HHLA2: variants seen among roughly 807,000 people sequenced by gnomAD.
The protein encoded by HHLA2 is HERV-H LTR-associating protein 2.
A neutral mutation model predicts 45.9 loss-of-function variants in HHLA2; 48 were observed. That is an observed-to-expected ratio of 1.05 (90% CI 0.83 to 1.33). The LOEUF (loss-of-function observed/expected upper bound fraction) is 1.33, where lower values mean the gene tolerates loss of function less well. Ranked by LOEUF, HHLA2 falls within the 40% of genes most tolerant of loss-of-function variation. The pLI is 0.00. For missense variants in HHLA2, 462 were observed against 494.3 expected, an observed-to-expected ratio of 0.93 and a Z score of 0.62; for synonymous variants, 161 against 173.9, an observed-to-expected ratio of 0.93 and a Z score of 0.59.
At chr3:108,345,764 A>G (rs2081650956) in intron 3 of HHLA2, among the ~76,000 whole-genome samples, 1 of 152,208 alleles carries the variant, frequency 6.6e-6, no homozygotes, top group African/African-American at 2.4e-5. Flanking sequence ...AAAATGCCAC[A>G]CAGTAAGGCA....
At chr3:108,370,942 G>A (rs893612773) in intron 8 of HHLA2, among the ~76,000 whole-genome samples, 1 of 152,158 alleles carries the variant, frequency 6.6e-6, no homozygotes, top group Non-Finnish European at 1.5e-5. Context: ...ATCTAGCAAG[G>A]CAGGCCAACA....
chr3:108,297,257 G>T (rs1269558055), intron 1 of HHLA2, among the ~76,000 whole-genome samples: 1 of 152,106 alleles, frequency 6.6e-6, no homozygotes, highest in Non-Finnish European at 1.5e-5. Flanking sequence ...GGTAATTTAG[G>T]TTTTTTTGTG....
intron 3 of HHLA2, among the ~76,000 whole-genome samples, chr3:108,338,532 C>T (rs568930505): frequency 3.9e-5 from 6 of 152,258 alleles, no homozygotes; most frequent in Non-Finnish European, 7.3e-5. Flanking sequence ...CCTTCCTGTT[C>T]GCTTCTCATC....
chr3:108,361,125 A>G (rs1287626835), intron 7 of HHLA2, among the ~76,000 whole-genome samples: 1 of 152,168 alleles, frequency 6.6e-6, no homozygotes, highest in Non-Finnish European at 1.5e-5. Context: ...TCTAGTCCTG[A>G]CCAAGATGCT....
intron 3 of HHLA2, among the ~76,000 whole-genome samples, chr3:108,337,672 T>G (rs7652835): frequency 1 from 151,947 of 152,218 alleles, 75,838 homozygotes; most frequent in Middle Eastern, 1. Flanking sequence ...AGAAACTTTA[T>G]AAGGTGGAAC....
At chr3:108,328,456 C>T (rs2081328334) in intron 3 of HHLA2, 1 of 682,720 alleles carries the variant, frequency 1.5e-6, no homozygotes, top group East Asian at 3.0e-5. Context: ...ATATTATTAA[C>T]ATAATTCTTA....
chr3:108,308,951 C>T (rs1022896556), intron 1 of HHLA2, among the ~76,000 whole-genome samples: 3 of 152,154 alleles, frequency 2.0e-5, no homozygotes, highest in Non-Finnish European at 2.9e-5. Flanking sequence ...TTCTCCCATT[C>T]TGTGGGTTGT....
chr3:108,305,753 T>G (rs919107816), intron 1 of HHLA2, among the ~76,000 whole-genome samples: 3 of 152,140 alleles, frequency 2.0e-5, no homozygotes, highest in Non-Finnish European at 2.9e-5. Flanking sequence ...CAGTGACACA[T>G]TTGAGCCAAG....
intron 8 of HHLA2, among the ~76,000 whole-genome samples, chr3:108,371,902 C>G (rs906187500): frequency 2.0e-5 from 3 of 152,170 alleles, no homozygotes; most frequent in African/African-American, 7.2e-5. Context: ...CCACTGTCAA[C>G]ATTAGACAGA....
At chr3:108,344,295 A>ATCCC (rs2081626009) in intron 3 of HHLA2, among the ~76,000 whole-genome samples, 2 of 152,162 alleles carry the variant, frequency 1.3e-5, no homozygotes, top group Non-Finnish European at 2.9e-5. Context: ...TTGCATTCAA[A>ATCCC]TATGTACAAA....
At chr3:108,327,496 T>G (rs953569631) in intron 2 of HHLA2, among the ~76,000 whole-genome samples, 1 of 152,220 alleles carries the variant, frequency 6.6e-6, no homozygotes, top group African/African-American at 2.4e-5. Context: ...TGTTCCATCC[T>G]TTTGTTTCTC....
chr3:108,356,029 C>CTTTTTTTTTT (rs3053487), intron 6 of HHLA2, among the ~76,000 whole-genome samples: 1 of 118,228 alleles, frequency 8.5e-6, no homozygotes, highest in Admixed American at 9.9e-5. Flanking sequence ...ATTTGTTTTC[C>CTTTTTTTTTT]TTTTTTTTTT....
At chr3:108,327,081 T>C (rs1423009064) in intron 2 of HHLA2, among the ~76,000 whole-genome samples, 4 of 152,206 alleles carry the variant, frequency 2.6e-5, no homozygotes, top group African/African-American at 9.7e-5. Context: ...CAATTTTGGG[T>C]TGGAAGTTAT....
At chr3:108,351,993 C>T (rs1576157149) in intron 4 of HHLA2, 116 bp downstream of exon 3, 1 of 650,556 alleles carries the variant, frequency 1.5e-6, no homozygotes, top group East Asian at 2.8e-5. Context: ...TTTCCTAAAT[C>T]ATCAGTTAAT....
intron 2 of HHLA2, among the ~76,000 whole-genome samples, chr3:108,314,020 A>G (rs774207337): frequency 2.0e-5 from 3 of 152,184 alleles, no homozygotes; most frequent in Non-Finnish European, 4.4e-5. Context: ...CAGAGGAGGT[A>G]TCACTTTCTC....
At chr3:108,371,837 TG>T (rs1371626616) in intron 8 of HHLA2, among the ~76,000 whole-genome samples, 2 of 152,046 alleles carry the variant, frequency 1.3e-5, no homozygotes, top group Non-Finnish European at 2.9e-5. Context: ...AAGTCCTTAG[TG>T]ACCTACAAAG....
intron 8 of HHLA2, among the ~76,000 whole-genome samples, chr3:108,374,029 T>G (rs990025677): frequency 2.7e-5 from 4 of 150,834 alleles, no homozygotes; most frequent in African/African-American, 9.7e-5. Context: ...AAGTCAATCC[T>G]AAGCCAAAAG....
chr3:108,333,324 T>C (rs898255577), intron 3 of HHLA2, among the ~76,000 whole-genome samples: 13 of 152,172 alleles, frequency 8.5e-5, no homozygotes, highest in African/African-American at 2.9e-4. Flanking sequence ...CTTCTTTTTA[T>C]TCCCTTGCAA....
Position 108,355,097 on chromosome 3 carries a change from C to T in HHLA2, c.419-18C>T, listed in dbSNP as rs1351746434. 6.3e-7 allele frequency: 1 copy of T among 1,597,038 alleles called. No homozygotes were observed. Among genetic ancestry groups the T allele is most frequent in the East Asian group, 2.2e-5 (1 of 44,560 alleles). On this transcript the variant is annotated intron_variant, in intron 5 of 10. Transcript: ENST00000619531. ...TAATGATGGCAGTTTTTCATGCGCC[C>T]TTCTTTCTCCTATGTAGTTTTTCTC...
Sources: gnomAD v4.1 joint callset for allele counts (sites outside exome capture counted in the v4.1 genomes callset) on GRCh38, gnomAD v4.1.1 for gene constraint, MANE v1.5 for transcripts, NCBI Gene and HGNC (gene_info 2026-07-23, HGNC 2026-07-21) for gene names.